Variants in TSPAN32 observed in about 807,000 individuals in gnomAD.
TSPAN32 encodes the protein tetraspanin-32.
In TSPAN32, 47 loss-of-function variants were observed where a neutral mutation model predicts 42.7. The ratio of observed to expected loss-of-function variants is 1.10; its 90% CI spans 0.87 to 1.40. TSPAN32 has a LOEUF of 1.40. Ranked by LOEUF, TSPAN32 falls within the 40% of genes most tolerant of loss-of-function variation. The pLI is 0.00. For missense variants in TSPAN32, 469 were observed against 424.1 expected (o/e 1.11, Z -0.93); for synonymous variants, 175 against 175.9 (o/e 0.99, Z 0.04).
In TSPAN32 at chr11:2,313,608, G is replaced by A. The variant is rs372327844; in HGVS notation, c.355-46G>A. ...GTCGTGGGGAGGGGGCTGTGTCCCC[G>A]GATCTCCCACCAGGGCCAGGACCTC... On this transcript the variant is annotated intron_variant, in intron 4 of 9. Transcript: ENST00000182290. This position sits in a 1 kb window ranked among gnomAD's most constrained non-coding sequence, Gnocchi z 9.1. The A allele has an allele frequency of 3.5e-5, 53 of 1,499,300 alleles. No individual in the cohort carries two copies. In the African/African-American group the frequency reaches 4.2e-4, roughly 12 times the overall value. 92.9% of individuals were successfully genotyped at this position (1,499,300 alleles called of 1,614,324 possible).
In TSPAN32 at chr11:2,317,475, A is replaced by G; in HGVS notation, c.851A>G (p.Glu284Gly). The change falls in exon 9 of 10, where the codon GAG becomes GGG. Residue 284 changes from glutamate to glycine, a missense_variant. Glu to Gly is a moderately conservative substitution (Grantham distance 98). Transcript: ENST00000182290. This position sits in a 1 kb window ranked among gnomAD's most constrained non-coding sequence, Gnocchi z 6.2. ...TCGGGTAGTCTTCGGTGGCTGCAGG[A>G]GAGCGATGCTGCGCCTCTGCCCCTC... ...GCSGSLRWLQ[E>G]SDAAPLPLSC... The G allele has an allele frequency of 1.3e-6, 2 of 1,599,912 alleles. No individual in the cohort carries two copies. The highest frequency in any genetic ancestry group is 1.7e-6 in the Non-Finnish European group (2 of 1,173,734).
rs1474875708 is a variant in TSPAN32, at chr11:2,313,750, G to C, written c.451G>C (p.Asp151His). The part of the protein sequence containing the change: ...VRRQELAAIQ[D>H]VFLCCGKKSP... ...GCGGCAGGAGCTGGCGGCCATCCAG[G>C]ACGTGGTGAGCGTGGGGACGGCTGG... The change falls in exon 5 of 10, where the codon GAC becomes CAC. Residue 151 changes from aspartate to histidine, a missense_variant. Coordinates refer to ENST00000182290, the MANE Select transcript of TSPAN32 (RefSeq NM_139022.3). The surrounding 1 kb of genome is among the most constrained non-coding windows in gnomAD (Gnocchi z 9.1). 6.3e-7 allele frequency: 1 copy of C among 1,594,330 alleles called. No individual in the cohort carries two copies. The highest frequency in any genetic ancestry group is 8.5e-7 in the Non-Finnish European group (1 of 1,173,154).
chr11:2,308,822 C>A lies in TSPAN32; in HGVS notation c.354+12C>A. On this transcript the variant is annotated intron_variant, in intron 4 of 9. Transcript: ENST00000182290. Reference sequence around the variant, plus strand: ...ACAGCCCCACCCAGGTGAGCACCAGCTGCCCCTACCCTGCAGTGGAGGGTC... The same window carrying A: ...ACAGCCCCACCCAGGTGAGCACCAGATGCCCCTACCCTGCAGTGGAGGGTC... 6.4e-7 allele frequency: 1 copy of A among 1,550,736 alleles called. No homozygotes were observed. The highest frequency in any genetic ancestry group is 1.2e-5 in the South Asian group (1 of 84,446).
rs962413702 is a variant in TSPAN32, at chr11:2,302,946, G to A, written c.169G>A (p.Val57Met). Residue 57 changes from valine (V) to methionine (M), a missense_variant, in exon 2 of 10, where the codon GTG (valine) becomes ATG (methionine). Physicochemically the swap from Val to Met is conservative, Grantham distance 21. Coordinates refer to ENST00000182290, the MANE Select transcript of TSPAN32 (RefSeq NM_139022.3). ...ASLEKNPYQA[V>M]HQWAFSAGLS... ...CCTGGAGAAGAACCCGTACCAGGCT[G>A]TGCACCAATGGGGTAAGTGAGGTCC... The A allele has an allele frequency of 6.2e-7, 1 of 1,613,462 alleles. No individual in the cohort carries two copies. Among genetic ancestry groups the A allele is most frequent in the Non-Finnish European group, 8.5e-7 (1 of 1,179,696 alleles).
At chr11:2,312,725 C>T (rs1488781367) in intron 4 of TSPAN32, among the ~76,000 whole-genome samples, 2 of 152,216 alleles carry the variant, frequency 1.3e-5, no homozygotes, top group Admixed American at 6.5e-5. Flanking sequence ...GTGGCTAGAG[C>T]GGGCCTGGGG....
At position 2,309,417 on chromosome 11, in the gene TSPAN32, G is replaced by T. The variant is rs139190458; in HGVS notation, c.354+607G>T. On this transcript the variant is annotated intron_variant, in intron 4 of 9. Coordinates refer to ENST00000182290, the MANE Select transcript of TSPAN32 (RefSeq NM_139022.3). The stretch of plus-strand genomic sequence containing the variant: ...CAAGGGCGTCCCCGTGGAAAGGCCA[G>T]CAGCTTGGAGAGGAAGGAGGCCTCC... 8 of 461,636 alleles carry T rather than the reference G, an allele frequency of 1.7e-5. No homozygotes were observed. The East Asian group carries it at 4.2e-4, about 24-fold the overall frequency. The allele number at this position is 461,636 out of a possible 1,614,324, so 28.6% of individuals were successfully genotyped here.
chr11:2,311,251 G>A (rs1848440122), intron 4 of TSPAN32, among the ~76,000 whole-genome samples: 1 of 152,164 alleles, frequency 6.6e-6, no homozygotes, highest in Non-Finnish European at 1.5e-5. Context: ...GCTGAAAGTG[G>A]GGTGCCCCTC....
intron 3 of TSPAN32, among the ~76,000 whole-genome samples, chr11:2,305,876 C>T (rs1459524303): frequency 6.6e-6 from 1 of 152,258 alleles, no homozygotes; most frequent in Non-Finnish European, 1.5e-5. Flanking sequence ...GTGAGCTCAG[C>T]ATGGCCACAG....
intron 3 of TSPAN32, chr11:2,306,835 GGGAGGGA>G (rs1220055684): frequency 3.7e-5 from 1 of 27,248 alleles, no homozygotes; most frequent in Non-Finnish European, 1.6e-4. Flanking sequence ...GAGGGAGAGG[GGGAGGGA>G]GAGGGAGGGG....
rs969078579 is a variant in TSPAN32 at position 2,312,038 on chromosome 11, G to A, written c.355-1616G>A. Among the ~76,000 whole-genome samples, 3 of 151,674 alleles carry A rather than the reference G, an allele frequency of 2.0e-5. No individual in the cohort carries two copies. In the East Asian group the frequency reaches 5.8e-4, roughly 29 times the overall value. ...GGCAGGGCAGGAAGAGCCAGGCAGG[G>A]CAGGCAGGGCAGGCAGGGCAGGCAG... On this transcript the variant is annotated intron_variant, in intron 4 of 9. Coordinates refer to ENST00000182290, the MANE Select transcript of TSPAN32 (RefSeq NM_139022.3).
rs557782048 is a variant in TSPAN32, at chr11:2,312,856, G to C, written c.355-798G>C. On this transcript the variant is annotated intron_variant, in intron 4 of 9. Transcript: ENST00000182290. ...CTGAGGCAGGAAGGAGACATCAGAG[G>C]GCAGGGACCTCAAAGAGGGCCTCGC... is the stretch of plus-strand genomic sequence containing the variant. 1.3e-4 allele frequency among the ~76,000 whole-genome samples: 20 copies of C among 152,336 alleles called. No homozygotes were observed. The East Asian group carries it at 3.5e-3, about 26-fold the overall frequency.
chr11:2,317,326 G>A lies in TSPAN32; in HGVS notation c.720-18G>A, dbSNP rs1455395134. 1.3e-6 allele frequency: 2 copies of A among 1,574,042 alleles called. No individual in the cohort carries two copies. Among genetic ancestry groups the A allele is most frequent in the East Asian group, 2.3e-5 (1 of 42,652 alleles). On this transcript the variant is annotated intron_variant, in intron 8 of 9. Transcript: ENST00000182290. The surrounding 1 kb of genome is among the most constrained non-coding windows in gnomAD (Gnocchi z 6.2). ...GTAGAACATTCCACCACAGCCCCAT[G>A]ATCCCCTTGCTCCTCAGAGCATGTG...
In TSPAN32 at chr11:2,304,166, G is replaced by T. The variant is rs749060868; in HGVS notation, c.241G>T (p.Ala81Ser). The part of the protein sequence containing the change: ...LLTLGAVLSA[A>S]ATVREAQGLM... ...GACTCTGGGAGCCGTGCTGAGCGCTGCAGCCACCGTGAGGGAGGCCCAGGG... is the reference window on the plus strand; with the variant it reads ...GACTCTGGGAGCCGTGCTGAGCGCTTCAGCCACCGTGAGGGAGGCCCAGGG... The change falls in exon 3 of 10, where the codon GCA becomes TCA. Residue 81 changes from alanine to serine, a missense_variant. Physicochemically the swap from Ala to Ser is moderately conservative, Grantham distance 99. Transcript: ENST00000182290. The surrounding 1 kb of genome is among the most constrained non-coding windows in gnomAD (Gnocchi z 4.8). 1 of 1,588,016 alleles carries T rather than the reference G, an allele frequency of 6.3e-7. No homozygotes were observed. The highest frequency in any genetic ancestry group is 8.6e-7 in the Non-Finnish European group (1 of 1,167,580).
At chr11:2,309,436 G>A (rs1848336725) in intron 4 of TSPAN32, 1 of 450,634 alleles carries the variant, frequency 2.2e-6, no homozygotes, top group South Asian at 1.6e-5. Flanking sequence ...AGAGGAAGGA[G>A]GCCTCCCTGG....
chr11:2,311,087 C>T (rs532544496), intron 4 of TSPAN32, among the ~76,000 whole-genome samples: 39 of 152,352 alleles, frequency 2.6e-4, no homozygotes, highest in Non-Finnish European at 5.0e-4. Flanking sequence ...CCCATTCCCC[C>T]TGTCCCTCCC....
At chr11:2,308,321 G>T (rs1259169536) in intron 3 of TSPAN32, among the ~76,000 whole-genome samples, 2 of 152,082 alleles carry the variant, frequency 1.3e-5, no homozygotes, top group Non-Finnish European at 2.9e-5. Flanking sequence ...CATCCTGCTG[G>T]GGGCGCAGCC....
chr11:2,303,399 C>A, intron 2 of TSPAN32: 1 of 214,450 alleles, frequency 4.7e-6, no homozygotes, highest in Non-Finnish European at 9.8e-6. Flanking sequence ...TAGCCAGACG[C>A]CTCCCTGCAG....
At chr11:2,315,075 G>C (rs949527078) in intron 6 of TSPAN32, 1 of 345,788 alleles carries the variant, frequency 2.9e-6, no homozygotes, top group Admixed American at 5.3e-5. Context: ...ACAACAGAGC[G>C]GGGCCCGAGG....
At chr11:2,315,280 G>T in intron 6 of TSPAN32, 1 of 1,189,262 alleles carries the variant, frequency 8.4e-7, no homozygotes, top group Non-Finnish European at 1.1e-6. Context: ...AGAAACAGAG[G>T]GGAGGAGAGC....
Sources: gnomAD v4.1 joint callset for allele counts (sites outside exome capture counted in the v4.1 genomes callset) on GRCh38, gnomAD v4.1.1 for gene constraint, Gnocchi (gnomAD v3.1) non-coding constraint, MANE v1.5 for transcripts, NCBI Gene and HGNC (gene_info 2026-07-23, HGNC 2026-07-21) for gene names.